The following CCDC33 variants were observed in gnomAD, a reference collection of about 807,000 sequenced individuals.
CCDC33 encodes the protein coiled-coil domain-containing protein 33.
Under a neutral mutation model 91.9 loss-of-function variants are expected in CCDC33, and 94 were observed. The ratio of observed to expected loss-of-function variants is 1.02; its 90% CI spans 0.87 to 1.21. CCDC33 has a LOEUF of 1.21. Ranked by LOEUF, CCDC33 falls within the 50% of genes most tolerant of loss-of-function variation. The pLI, the probability that CCDC33 is intolerant of heterozygous loss-of-function variation, is 0.00. For synonymous variants in CCDC33, 396 were observed against 374.5 expected (o/e 1.06, Z -0.66); for missense variants, 940 against 935.5 (o/e 1.00, Z -0.06).
chr15:74,203,002 C>CCTG, upstream of CCDC33: 1 of 986,046 alleles, frequency 1.0e-6, no homozygotes, highest in Non-Finnish European at 1.2e-6. Context: ...CACACACATA[C>CCTG]CTGCCTTCAG....
intron 11 of CCDC33, among the ~76,000 whole-genome samples, chr15:74,318,848 T>C (rs751527): frequency 0.49 from 73,955 of 151,838 alleles, 19,877 homozygotes; most frequent in African/African-American, 0.71. Flanking sequence ...GCAAGGCCCC[T>C]GGCTCCAGCC....
At chr15:74,324,894 C>T (rs1270021977) in intron 11 of CCDC33, among the ~76,000 whole-genome samples, 1 of 149,674 alleles carries the variant, frequency 6.7e-6, no homozygotes, top group Non-Finnish European at 1.5e-5. Context: ...TCCCCTCTTC[C>T]TCCTTCCCAC....
At chr15:74,292,667 T>A (rs924191076) in intron 10 of CCDC33, among the ~76,000 whole-genome samples, 2 of 152,108 alleles carry the variant, frequency 1.3e-5, no homozygotes, top group Admixed American at 1.3e-4. Context: ...GGAATGGGAA[T>A]GTGGGCAGAG....
In CCDC33 at chr15:74,315,026, G is replaced by T. The variant is rs74692356; in HGVS notation, c.1291-15163G>T. On this transcript the variant is annotated intron_variant, in intron 11 of 18. Coordinates refer to ENST00000398814, the MANE Select transcript of CCDC33 (RefSeq NM_025055.5). ...GTGTGTCTGATGCGGTGGTTTTATT[G>T]CGGGCAGTGAGGGCATTCATGACAG... Among the ~76,000 whole-genome samples the T allele has an allele frequency of 1.4e-3, 212 of 152,326 alleles. 7 individuals carry two copies. The East Asian group carries it at 0.037, about 27-fold the overall frequency.
Position 74,218,407 on chromosome 15 carries a change from G to T in CCDC33, c.311-90G>T, listed in dbSNP as rs547179201. Reference sequence around the variant, plus strand: ...TTGACTCAAAGTCTGGGCAGCCCAGGTTTCCCCAGGGCCCTGCCTGTCCTC... The same window carrying T: ...TTGACTCAAAGTCTGGGCAGCCCAGTTTTCCCCAGGGCCCTGCCTGTCCTC... On this transcript the variant is annotated intron_variant, in intron 1 of 2. Coordinates refer to the CCDC33 transcript ENST00000635913. This position sits in a 1 kb window ranked among gnomAD's most constrained non-coding sequence, Gnocchi z 4.8. The T allele has an allele frequency of 3.9e-5, 46 of 1,190,728 alleles. No individual in the cohort carries two copies. The East Asian group carries it at 2.6e-3, about 66-fold the overall frequency. 73.8% of individuals were successfully genotyped at this position (1,190,728 alleles called of 1,614,324 possible).
chr15:74,281,474 T>C (rs2059362288), intron 9 of CCDC33, among the ~76,000 whole-genome samples: 2 of 152,264 alleles, frequency 1.3e-5, no homozygotes, highest in Admixed American at 6.5e-5. Context: ...CATCATTCTC[T>C]ATTCCTATGC....
intron 2 of CCDC33, among the ~76,000 whole-genome samples, chr15:74,250,368 C>T (rs2075669308): frequency 6.6e-6 from 1 of 152,150 alleles, no homozygotes; most frequent in South Asian, 2.1e-4. Context: ...AGCAACAGGA[C>T]CTCCACCTCC....
At chr15:74,271,856 A>G in intron 6 of CCDC33, 62 bp downstream of exon 6, 1 of 1,415,484 alleles carries the variant, frequency 7.1e-7, no homozygotes, top group Non-Finnish European at 9.9e-7. Context: ...GGAGGGGGTG[A>G]GGCTGTCATT....
At chr15:74,215,014 T>C (rs909488902), upstream of CCDC33, among the ~76,000 whole-genome samples, 14 of 152,336 alleles carry the variant, frequency 9.2e-5, no homozygotes, top group Admixed American at 3.9e-4. Context: ...GGGCAATGAA[T>C]GATGACTTGT....
chr15:74,333,367 C>G, intron 16 of CCDC33: 1 of 1,445,254 alleles, frequency 6.9e-7, no homozygotes, highest in Non-Finnish European at 9.5e-7. Context: ...TGCTCCACCT[C>G]TGAAGATGCT....
At chr15:74,255,660 C>T (rs534086606) in intron 2 of CCDC33, among the ~76,000 whole-genome samples, 23 of 152,358 alleles carry the variant, frequency 1.5e-4, no homozygotes, top group Non-Finnish European at 2.8e-4. Context: ...CTAACAAAAC[C>T]AGACCTCGAT....
intron 11 of CCDC33, among the ~76,000 whole-genome samples, chr15:74,321,913 G>A (rs80186636): frequency 0.018 from 2,761 of 152,236 alleles, 39 homozygotes; most frequent in Middle Eastern, 0.078. Context: ...GAGCATGTGC[G>A]TGGCCCTTGG....
intron 5 of CCDC33, 80 bp downstream of exon 5, chr15:74,268,538 T>A: frequency 1.8e-6 from 2 of 1,094,466 alleles, no homozygotes; most frequent in Non-Finnish European, 2.8e-6. Flanking sequence ...GCCTTGCCCT[T>A]AGCCCCCTCT....
At chr15:74,281,971 A>G in intron 10 of CCDC33, 122 bp downstream of exon 10, 1 of 785,792 alleles carries the variant, frequency 1.3e-6, no homozygotes. Context: ...TACTTTGGAT[A>G]GAAACGTCTA....
intron 2 of CCDC33, among the ~76,000 whole-genome samples, chr15:74,247,367 TATATACAC>T (rs1164208068): frequency 1.9e-5 from 1 of 53,900 alleles, no homozygotes; most frequent in African/African-American, 3.3e-5. Context: ...CATATATATA[TATATACAC>T]ACACACACAC....
In CCDC33 at chr15:74,331,044, C is replaced by T; in HGVS notation, c.1609C>T (p.Leu537=). 1 of 1,613,020 alleles carries T rather than the reference C, an allele frequency of 6.2e-7. No individual in the cohort carries two copies. The highest frequency in any genetic ancestry group is 1.1e-5 in the South Asian group (1 of 90,856). The change falls in exon 14 of 19, where the codon CTG becomes TTG. Residue 537 remains leucine, a synonymous_variant. Coordinates refer to ENST00000398814, the MANE Select transcript of CCDC33 (RefSeq NM_025055.5). The stretch of plus-strand genomic sequence containing the variant: ...GGCCCAGCAGCCACAGGCCGCTCTG[C>T]TGAAGCAGTACCAGGGCAAGCTGCA... ...YQAQQPQAAL[L]KQYQGKLQKM... is the part of the protein sequence containing the mutation.
chr15:74,328,788 G>A (rs971478476), intron 11 of CCDC33, among the ~76,000 whole-genome samples: 8 of 152,184 alleles, frequency 5.3e-5, no homozygotes, highest in South Asian at 2.1e-4. Flanking sequence ...GGCCATATCC[G>A]CAGTCAGCAT....
intron 1 of CCDC33, among the ~76,000 whole-genome samples, chr15:74,206,347 T>G (rs2074261761): frequency 1.3e-5 from 2 of 152,166 alleles, no homozygotes; most frequent in African/African-American, 4.8e-5. Context: ...CCAAGGTACC[T>G]CCTCAGCTTG....
upstream of CCDC33, among the ~76,000 whole-genome samples, chr15:74,232,162 C>T (rs142300730): frequency 2.5e-3 from 374 of 152,150 alleles, 1 homozygote; most frequent in Middle Eastern, 0.037. Context: ...CTGGTGGTGA[C>T]GATGACAGCA....
Sources: allele counts gnomAD v4.1 joint callset (sites outside exome capture counted in the v4.1 genomes callset), GRCh38; gene constraint gnomAD v4.1.1; non-coding constraint Gnocchi (gnomAD v3.1); transcripts MANE v1.5; gene names NCBI Gene and HGNC (gene_info 2026-07-23, HGNC 2026-07-21).